VAV3: variants seen among roughly 807,000 people sequenced by gnomAD.
The protein encoded by VAV3 is guanine nucleotide exchange factor VAV3.
In VAV3, 94 loss-of-function variants were observed where a neutral mutation model predicts 131.2. The observed-to-expected ratio is 0.72, with a 90% confidence interval of 0.61 to 0.85. The LOEUF is 0.85. Among genes scored for constraint, VAV3 ranks in the 40% least tolerant of loss-of-function variants. The pLI, the probability that VAV3 is intolerant of heterozygous loss-of-function variation, is 0.00. For missense variants in VAV3, 939 were observed against 1,002.7 expected, an observed-to-expected ratio of 0.94 and a Z score of 0.86; for synonymous variants, 349 against 342.0, an observed-to-expected ratio of 1.02 and a Z score of -0.22.
At chr1:107,894,254 T>A (rs1192287129) in intron 1 of VAV3, among the ~76,000 whole-genome samples, 2 of 152,238 alleles carry the variant, frequency 1.3e-5, no homozygotes, top group African/African-American at 4.8e-5. Context: ...AAAGATTTCA[T>A]GTAGTAGATC....
At chr1:107,761,166 G>A (rs1664393631) in intron 9 of VAV3, among the ~76,000 whole-genome samples, 1 of 152,126 alleles carries the variant, frequency 6.6e-6, no homozygotes, top group African/African-American at 2.4e-5. Context: ...GAGGCGGGCA[G>A]ATCACAAGGT....
intron 1 of VAV3, among the ~76,000 whole-genome samples, chr1:107,955,186 A>C (rs1674746544): frequency 6.6e-6 from 1 of 152,056 alleles, no homozygotes; most frequent in Non-Finnish European, 1.5e-5. Flanking sequence ...AGGAAGCTAA[A>C]GAACAGACAG....
intron 10 of VAV3, among the ~76,000 whole-genome samples, chr1:107,758,221 C>G (rs990074599): frequency 6.6e-6 from 1 of 152,078 alleles, no homozygotes. Context: ...GATCCTGCCC[C>G]CTTGGAACCA....
chr1:107,953,734 C>G (rs1674665461), intron 1 of VAV3, among the ~76,000 whole-genome samples: 1 of 152,088 alleles, frequency 6.6e-6, no homozygotes, highest in African/African-American at 2.4e-5. Context: ...CCCATGCTCC[C>G]AGGAAAAGGC....
At chr1:107,660,308 T>C (rs1370820192) in intron 19 of VAV3, among the ~76,000 whole-genome samples, 1 of 152,236 alleles carries the variant, frequency 6.6e-6, no homozygotes, top group African/African-American at 2.4e-5. Flanking sequence ...AAAGACTTCT[T>C]TTCTGCTACA....
intron 15 of VAV3, among the ~76,000 whole-genome samples, chr1:107,746,170 A>C (rs1452988348): frequency 6.6e-6 from 1 of 152,246 alleles, no homozygotes; most frequent in Non-Finnish European, 1.5e-5. Context: ...CCTGTCTTAC[A>C]AAGCTGGAAG....
chr1:107,736,897 G>A (rs1260581042), intron 15 of VAV3, among the ~76,000 whole-genome samples: 2 of 152,112 alleles, frequency 1.3e-5, no homozygotes, highest in African/African-American at 4.8e-5. Context: ...GCATTGCCAA[G>A]ACAATCCTAA....
intron 1 of VAV3, among the ~76,000 whole-genome samples, chr1:107,929,071 A>C (rs1673293365): frequency 6.6e-6 from 1 of 152,094 alleles, no homozygotes; most frequent in African/African-American, 2.4e-5. Flanking sequence ...TTTTCAGTGG[A>C]AATTTTACAG....
chr1:107,909,722 T>C (rs1672278431), intron 1 of VAV3, among the ~76,000 whole-genome samples: 1 of 152,170 alleles, frequency 6.6e-6, no homozygotes. Context: ...TTGAGGTAGT[T>C]TGCAATGATT....
chr1:107,717,224 TG>T (rs1163611978), intron 15 of VAV3, among the ~76,000 whole-genome samples: 57 of 152,330 alleles, frequency 3.7e-4, no homozygotes, highest in African/African-American at 9.6e-4. Flanking sequence ...GGGTTTTGTG[TG>T]TCTCTATTTC....
At chr1:107,879,456 T>G (rs1308985263) in intron 1 of VAV3, among the ~76,000 whole-genome samples, 1 of 152,230 alleles carries the variant, frequency 6.6e-6, no homozygotes, top group East Asian at 1.9e-4. Flanking sequence ...TATCTCACTG[T>G]GTTCAGACAA....
At position 107,798,505 on chromosome 1, in the gene VAV3, TCAG is replaced by T. The variant is rs1305097639; in HGVS notation, c.322-19016_322-19014del. ...AGGCTGAGGTGGGCGGATCATGAGG[TCAG>T]GAGATCGAGACCATTCTGGCTAACA... On this transcript the variant is annotated intron_variant, in intron 2 of 26. Transcript: ENST00000370056. Among the ~76,000 whole-genome samples the T allele has an allele frequency of 2.0e-5, 3 of 151,484 alleles. No individual in the cohort carries two copies. In the East Asian group the frequency reaches 5.9e-4, roughly 30 times the overall value.
chr1:107,763,978 T>A (rs922061994), intron 9 of VAV3, among the ~76,000 whole-genome samples: 1 of 151,876 alleles, frequency 6.6e-6, no homozygotes, highest in Non-Finnish European at 1.5e-5. Flanking sequence ...ACCTGAAATT[T>A]AATAAAATTC....
At chr1:107,757,391 A>G in intron 10 of VAV3, 62 bp from the exon 11 acceptor site, 2 of 1,343,496 alleles carry the variant, frequency 1.5e-6, no homozygotes, top group Admixed American at 2.2e-5. Context: ...ATACTAAAGA[A>G]AACATTTTTA....
chr1:107,693,473 T>C (rs569738834), intron 17 of VAV3, among the ~76,000 whole-genome samples: 1 of 152,308 alleles, frequency 6.6e-6, no homozygotes, highest in East Asian at 1.9e-4. Flanking sequence ...CACTGCATTT[T>C]TGTCAAGTAA....
chr1:107,888,526 T>C (rs1375098454), intron 1 of VAV3, among the ~76,000 whole-genome samples: 1 of 152,192 alleles, frequency 6.6e-6, no homozygotes, highest in Non-Finnish European at 1.5e-5. Flanking sequence ...TGGTGCAATC[T>C]AGGCTCACTG....
At chr1:107,964,640 C>T (rs202158637) in intron 1 of VAV3, 26 bp downstream of exon 1, 146 of 1,603,482 alleles carry the variant, frequency 9.1e-5, no homozygotes, top group Non-Finnish European at 1.2e-4. Context: ...CGGCTGGAGG[C>T]GGGGCGCCCG....
chr1:107,854,603 A>G (rs1669379750), intron 2 of VAV3, among the ~76,000 whole-genome samples: 1 of 152,088 alleles, frequency 6.6e-6, no homozygotes, highest in Admixed American at 6.6e-5. Context: ...CTTCCACTCT[A>G]CTGAAATTGT....
At chr1:107,635,794 A>G (rs1416203765) in intron 20 of VAV3, among the ~76,000 whole-genome samples, 3 of 152,124 alleles carry the variant, frequency 2.0e-5, no homozygotes, top group Admixed American at 6.5e-5. Flanking sequence ...CATAAATAAC[A>G]TGATTGTAAA....
Sources: gnomAD v4.1 joint callset for allele counts (sites outside exome capture counted in the v4.1 genomes callset) on GRCh38, gnomAD v4.1.1 for gene constraint, MANE v1.5 for transcripts, NCBI Gene and HGNC (gene_info 2026-07-23, HGNC 2026-07-21) for gene names.